Variants in RAB28 observed in about 807,000 individuals in gnomAD.
The protein encoded by RAB28 is RAB28, member RAS oncogene family, also known as ras-related protein Rab-28.
In RAB28, 24 loss-of-function variants were observed where a neutral mutation model predicts 31.7. That is an observed-to-expected ratio of 0.76 (90% confidence interval 0.55 to 1.06). The LOEUF is 1.06. Among genes scored for constraint, RAB28 ranks in the 50% least tolerant of loss-of-function variants. RAB28 has a pLI of 0.00. For synonymous variants in RAB28, 100 were observed against 90.4 expected, an observed-to-expected ratio of 1.11 and a Z score of -0.60; for missense variants, 254 against 258.5, an observed-to-expected ratio of 0.98 and a Z score of 0.12.
chr4:13,415,853 G>C (rs941308791), intron 4 of RAB28, among the ~76,000 whole-genome samples: 2 of 152,218 alleles, frequency 1.3e-5, no homozygotes, highest in African/African-American at 4.8e-5. Context: ...CTCCTGACTG[G>C]TGGGGACTTG....
In RAB28 at chr4:13,368,510, C is replaced by T. The variant is rs1207446519; in HGVS notation, c.*48G>A. 7.6e-6 allele frequency: 12 copies of T among 1,573,916 alleles called. No individual in the cohort carries two copies. Among genetic ancestry groups the T allele is most frequent in the Non-Finnish European group, 1.0e-5 (12 of 1,163,304 alleles). On this transcript the variant is annotated 3_prime_UTR_variant, in exon 7 of 7. Coordinates refer to ENST00000330852, the MANE Select transcript of RAB28 (RefSeq NM_001017979.3). ...AGTTCCTAGAAGTCCTCGGGCCCAC[C>T]CAGAGGTGAAGGGCAGCCAGAACTA...
chr4:13,424,085 T>G, intron 4 of RAB28, among the ~76,000 whole-genome samples: 1 of 152,242 alleles, frequency 6.6e-6, no homozygotes, highest in Non-Finnish European at 1.5e-5. Flanking sequence ...CTTACTATTA[T>G]GTAAAGTGTT....
At chr4:13,398,553 C>T (rs969605644) in intron 4 of RAB28, among the ~76,000 whole-genome samples, 3 of 152,196 alleles carry the variant, frequency 2.0e-5, no homozygotes, top group African/African-American at 4.8e-5. Flanking sequence ...CAAAGATGGG[C>T]GGATCACGAG....
chr4:13,459,740 A>G, intron 4 of RAB28: 1 of 1,047,736 alleles, frequency 9.5e-7, no homozygotes, highest in South Asian at 2.9e-5. Flanking sequence ...GAAGTTTATA[A>G]GAGACAGGAG....
chr4:13,413,711 A>C (rs1712581810), intron 4 of RAB28, among the ~76,000 whole-genome samples: 1 of 152,230 alleles, frequency 6.6e-6, no homozygotes, highest in Non-Finnish European at 1.5e-5. Context: ...TTTATAAATT[A>C]GGAATGGAAA....
intron 4 of RAB28, among the ~76,000 whole-genome samples, chr4:13,447,122 T>C (rs983564777): frequency 6.6e-6 from 1 of 152,144 alleles, no homozygotes; most frequent in Non-Finnish European, 1.5e-5. Flanking sequence ...ATCACTCTGG[T>C]CCATGCCACC....
Position 13,454,876 on chromosome 4 carries a change from G to T in RAB28, c.391+5823C>A, listed in dbSNP as rs775123597. On this transcript the variant is annotated intron_variant, in intron 4 of 6. Transcript: ENST00000330852. ...ACACAGCTTCTCAGCTGGCCTGGGT[G>T]TGTGTCTGCTGGAGGTAGCCCACAG... Among the ~76,000 whole-genome samples the T allele has an allele frequency of 3.9e-5, 6 of 152,342 alleles. No homozygotes were observed. In the East Asian group the frequency reaches 9.7e-4, roughly 25 times the overall value.
intron 6 of RAB28, chr4:13,369,786 T>A: frequency 8.0e-7 from 1 of 1,248,080 alleles, no homozygotes; most frequent in African/African-American, 1.5e-5. Flanking sequence ...TGAACTTCCC[T>A]ATTCATAGGG....
At chr4:13,473,616 C>A (rs1716215072) in intron 3 of RAB28, among the ~76,000 whole-genome samples, 1 of 151,786 alleles carries the variant, frequency 6.6e-6, no homozygotes, top group Non-Finnish European at 1.5e-5. Flanking sequence ...AAGTATATTA[C>A]TACCCTGCAT....
intron 1 of RAB28, among the ~76,000 whole-genome samples, chr4:13,482,972 C>G (rs1248897753): frequency 6.6e-6 from 1 of 152,134 alleles, no homozygotes; most frequent in African/African-American, 2.4e-5. Context: ...AAATGTGAAG[C>G]CTTAAACAGG....
chr4:13,376,524 T>C (rs371296658), intron 6 of RAB28, 21 bp downstream of exon 6: 2 of 1,547,624 alleles, frequency 1.3e-6, no homozygotes, highest in South Asian at 1.2e-5. Flanking sequence ...ATTTTTTAAA[T>C]ATAAAGTTCA....
At chr4:13,399,570 T>A (rs1577174927) in intron 4 of RAB28, among the ~76,000 whole-genome samples, 1 of 152,344 alleles carries the variant, frequency 6.6e-6, no homozygotes, top group East Asian at 1.9e-4. Context: ...TATGAGTTCC[T>A]GTAGATTGAC....
chr4:13,408,597 C>T lies in RAB28; in HGVS notation c.392-27003G>A, dbSNP rs192642221. On this transcript the variant is annotated intron_variant, in intron 4 of 6. Coordinates refer to ENST00000330852, the MANE Select transcript of RAB28 (RefSeq NM_001017979.3). ...TAGCAAAACAGAGCTTTTTAAAACT[C>T]TGCATAATAAGAAAAAAAAGCGGGC... 1.6e-4 allele frequency among the ~76,000 whole-genome samples: 24 copies of T among 151,726 alleles called. 1 individual carries two copies. The highest frequency in any genetic ancestry group is 1.4e-3 in the Admixed American group (22 of 15,240).
intron 4 of RAB28, among the ~76,000 whole-genome samples, chr4:13,427,943 C>T: frequency 6.6e-6 from 1 of 152,130 alleles, no homozygotes; most frequent in East Asian, 1.9e-4. Flanking sequence ...TCCAAAAACG[C>T]AGCTCCCGAG....
intron 4 of RAB28, among the ~76,000 whole-genome samples, chr4:13,448,174 T>C (rs890459845): frequency 2.0e-5 from 3 of 152,140 alleles, no homozygotes; most frequent in African/African-American, 7.2e-5. Context: ...AAATACAGAC[T>C]AAAATACATT....
intron 4 of RAB28, among the ~76,000 whole-genome samples, chr4:13,414,241 G>GTTA (rs1712620386): frequency 6.6e-6 from 1 of 152,166 alleles, no homozygotes; most frequent in Admixed American, 6.5e-5. Context: ...CTGCAGTAAT[G>GTTA]TTATTGACAC....
chr4:13,408,244 G>A (rs893323265), intron 4 of RAB28, among the ~76,000 whole-genome samples: 2 of 152,118 alleles, frequency 1.3e-5, no homozygotes, highest in Non-Finnish European at 2.9e-5. Flanking sequence ...TTTGTCAAAG[G>A]CCTTTTCTGC....
At position 13,415,466 on chromosome 4, in the gene RAB28, G is replaced by C. The variant is rs575161763; in HGVS notation, c.392-33872C>G. On this transcript the variant is annotated intron_variant, in intron 4 of 6. Coordinates refer to ENST00000330852, the MANE Select transcript of RAB28 (RefSeq NM_001017979.3). ...GCCAGTGCAAGTTCAGGGTGAGTGT[G>C]GGCTCAGCGGGCTGCACTCAGAGCG... Among the ~76,000 whole-genome samples the C allele has an allele frequency of 2.0e-3, 302 of 152,290 alleles. 2 individuals carry two copies. The highest frequency in any genetic ancestry group is 3.6e-3 in the Non-Finnish European group (247 of 68,004).
At chr4:13,464,033 C>G (rs929665221) in intron 3 of RAB28, among the ~76,000 whole-genome samples, 2 of 152,140 alleles carry the variant, frequency 1.3e-5, no homozygotes, top group South Asian at 4.1e-4. Context: ...GAGAGACAAA[C>G]AAATCCAAAA....
Sources: allele counts gnomAD v4.1 joint callset (sites outside exome capture counted in the v4.1 genomes callset), GRCh38; gene constraint gnomAD v4.1.1; transcripts MANE v1.5; gene names NCBI Gene and HGNC (gene_info 2026-07-23, HGNC 2026-07-21).